Variants in MEOX2 observed in about 807,000 individuals in gnomAD.
MEOX2 encodes homeobox protein MOX-2.
A neutral mutation model predicts 27.0 loss-of-function variants in MEOX2; 11 were observed. That is an observed-to-expected ratio of 0.41 (90% CI 0.26 to 0.68). The LOEUF (loss-of-function observed/expected upper bound fraction) is 0.68. Among genes scored for constraint, MEOX2 ranks in the 30% least tolerant of loss-of-function variants. The probability of loss-of-function intolerance (pLI) is 0.33; values close to 1 mark genes in which losing one functional copy is unlikely to be tolerated. For missense variants in MEOX2, 436 were observed against 385.4 expected (o/e 1.13, Z -1.10); for synonymous variants, 189 against 155.4 (o/e 1.22, Z -1.61).
At chr7:15,622,216 T>C (rs750246470) in intron 2 of MEOX2, among the ~76,000 whole-genome samples, 15 of 152,210 alleles carry the variant, frequency 9.9e-5, no homozygotes, top group Non-Finnish European at 2.1e-4. Context: ...TAGATATACA[T>C]ATAGTTAGAA....
In MEOX2 at chr7:15,635,144, C is replaced by T. The variant is rs1781460815; in HGVS notation, c.518-8226G>A. Among the ~76,000 whole-genome samples the T allele has an allele frequency of 2.6e-5, 4 of 151,888 alleles. No homozygotes were observed. In the South Asian group the frequency reaches 8.3e-4, roughly 31 times the overall value. ...GATTCTTACAAACCGTCTATTTCCA[C>T]CTGCTCTCTACCTGAGAAAAGTGAG... is the stretch of plus-strand genomic sequence containing the variant. On this transcript the variant is annotated intron_variant, in intron 1 of 2. Transcript: ENST00000262041.
In MEOX2 at chr7:15,685,895, C is replaced by A. The variant is rs1338195952; in HGVS notation, c.508G>T (p.Asp170Tyr). 4 of 1,599,994 alleles carry A rather than the reference C, an allele frequency of 2.5e-6. No homozygotes were observed. In the African/African-American group the frequency reaches 5.4e-5, roughly 21 times the overall value. The change falls in exon 1 of 3, where the codon GAC becomes TAC. Residue 170 changes from aspartate (D) to tyrosine (Y), a missense_variant. Asp to Tyr is a radical substitution (Grantham distance 160, BLOSUM62 -3). Transcript: ENST00000262041. ...EKRSGGKRKS[D>Y]SSDSQEGNYK... is the part of the protein sequence containing the mutation. ...CCTGGCGCGCCCTTACCTGAGCTGT[C>A]GCTTTTCCTCTTGCCGCCGCTTCGC...
chr7:15,617,500 G>T (rs6961370), intron 2 of MEOX2, among the ~76,000 whole-genome samples: 88,292 of 151,316 alleles, frequency 0.58, 26,323 homozygotes, highest in Non-Finnish European at 0.66. Context: ...AAGCAAGAAT[G>T]CTTAAAAGTA....
Position 15,686,656 on chromosome 7 carries a change from A to G in MEOX2, c.-254T>C. Reference sequence around the variant, plus strand: ...CAAGAGTGGGAGAGGTTGAAGCCAAAAGAAGGTGGTCCCAGAGAACTGCTT... The same window carrying G: ...CAAGAGTGGGAGAGGTTGAAGCCAAGAGAAGGTGGTCCCAGAGAACTGCTT... On this transcript the variant is annotated 5_prime_UTR_variant, in exon 1 of 3. Transcript: ENST00000262041. The G allele has an allele frequency of 2.0e-6, 1 of 505,370 alleles. No individual in the cohort carries two copies. Among genetic ancestry groups the G allele is most frequent in the Non-Finnish European group, 3.5e-6 (1 of 287,036 alleles). The allele number at this position is 505,370 out of a possible 1,614,324, so 31.3% of individuals were successfully genotyped here.
Position 15,686,385 on chromosome 7 carries a change from A to G in MEOX2, c.18T>C (p.Phe6=), listed in dbSNP as rs903377942. Residue 6 remains phenylalanine, a synonymous_variant, in exon 1 of 3, where the codon TTT becomes TTC. Coordinates refer to ENST00000262041, the MANE Select transcript of MEOX2 (RefSeq NM_005924.5). ...TGGCGTGAGGGCTGCGCAGGCAGCC[A>G]AAGAGCGGGTGTTCCATAGCATGCA... MEHPL[F]GCLRSPHATA... The G allele has an allele frequency of 1.9e-6, 3 of 1,576,378 alleles. No homozygotes were observed. In the African/African-American group the frequency reaches 4.0e-5, roughly 21 times the overall value.
At chr7:15,669,911 A>C (rs1349765619) in intron 1 of MEOX2, among the ~76,000 whole-genome samples, 2 of 152,182 alleles carry the variant, frequency 1.3e-5, no homozygotes, top group Admixed American at 6.5e-5. Context: ...TTAAGTTTTC[A>C]TACTTTCCCC....
At chr7:15,630,768 G>C (rs543364583) in intron 1 of MEOX2, among the ~76,000 whole-genome samples, 1 of 152,120 alleles carries the variant, frequency 6.6e-6, no homozygotes, top group Non-Finnish European at 1.5e-5. Context: ...GATGGAGTCA[G>C]AAAAATTTAT....
intron 1 of MEOX2, among the ~76,000 whole-genome samples, chr7:15,654,791 C>T (rs903987827): frequency 2.0e-5 from 3 of 151,458 alleles, no homozygotes; most frequent in South Asian, 2.1e-4. Context: ...ATTTTATTTG[C>T]TATTATTTTA....
At chr7:15,646,956 A>G (rs17168946) in intron 1 of MEOX2, among the ~76,000 whole-genome samples, 3,925 of 152,078 alleles carry the variant, frequency 0.026, 169 homozygotes, top group African/African-American at 0.089. Context: ...ATACAGTATT[A>G]TCTACACATC....
At chr7:15,644,209 C>A (rs1781607757) in intron 1 of MEOX2, among the ~76,000 whole-genome samples, 1 of 152,060 alleles carries the variant, frequency 6.6e-6, no homozygotes, top group Admixed American at 6.5e-5. Context: ...AGCTGCCCAG[C>A]CCAGTAAAGC....
chr7:15,636,853 G>A (rs1265689271), intron 1 of MEOX2, among the ~76,000 whole-genome samples: 1 of 151,918 alleles, frequency 6.6e-6, no homozygotes, highest in African/African-American at 2.4e-5. Flanking sequence ...ATGGCAAAAG[G>A]CAGAAGGGCA....
intron 1 of MEOX2, 103 bp downstream of exon 1, chr7:15,685,783 A>G (rs1483947967): frequency 1.4e-5 from 20 of 1,447,096 alleles, no homozygotes; most frequent in Non-Finnish European, 1.8e-5. Context: ...ACACATTCCC[A>G]TCTTCCCTGC....
At chr7:15,648,876 C>T (rs1235377174) in intron 1 of MEOX2, among the ~76,000 whole-genome samples, 3 of 152,116 alleles carry the variant, frequency 2.0e-5, no homozygotes, top group East Asian at 3.9e-4. Context: ...TTCCCTCTTC[C>T]TTTGGCACCC....
chr7:15,684,025 A>G (rs1306358455), intron 1 of MEOX2, among the ~76,000 whole-genome samples: 2 of 152,188 alleles, frequency 1.3e-5, no homozygotes, highest in African/African-American at 4.8e-5. Flanking sequence ...TTTTAAAAAA[A>G]TTATTAAAAT....
intron 1 of MEOX2, among the ~76,000 whole-genome samples, chr7:15,661,041 A>AT (rs1562609451): frequency 8.2e-5 from 12 of 146,830 alleles, no homozygotes; most frequent in Non-Finnish European, 1.5e-4. Context: ...AAAAAAAAAA[A>AT]GAGAAAGAGA....
chr7:15,615,576 C>G (rs1351693142), intron 2 of MEOX2, among the ~76,000 whole-genome samples: 3 of 152,014 alleles, frequency 2.0e-5, no homozygotes, highest in Non-Finnish European at 4.4e-5. Flanking sequence ...AGTTTAATTA[C>G]CTTTGCAAGC....
chr7:15,686,205 C>T lies in MEOX2; in HGVS notation c.198G>A (p.Arg66=). ...GGTGGTGGTGGTGGTGGTGGTGCCC[C>T]CTGTGATGCTGGCTGGCAAACATGC... The part of the protein sequence containing the change: ...EEGMFASQHH[R]GHHHHHHHHH... The change falls in exon 1 of 3, where the codon AGG becomes AGA. Residue 66 remains arginine (R), a synonymous_variant. Coordinates refer to ENST00000262041, the MANE Select transcript of MEOX2 (RefSeq NM_005924.5). 1 of 1,607,496 alleles carries T rather than the reference C, an allele frequency of 6.2e-7. No individual in the cohort carries two copies.
At chr7:15,650,800 G>A (rs576561053) in intron 1 of MEOX2, among the ~76,000 whole-genome samples, 2 of 152,114 alleles carry the variant, frequency 1.3e-5, no homozygotes, top group South Asian at 4.1e-4. Context: ...TATTAGCATG[G>A]AGGGATTTCC....
At chr7:15,646,126 A>G (rs76054184) in intron 1 of MEOX2, among the ~76,000 whole-genome samples, 12,101 of 151,992 alleles carry the variant, frequency 0.08, 521 homozygotes, top group Middle Eastern at 0.11. Flanking sequence ...TGGCATAAAA[A>G]CCTCTGTTCT....
Sources: gnomAD v4.1 joint callset for allele counts (sites outside exome capture counted in the v4.1 genomes callset) on GRCh38, gnomAD v4.1.1 for gene constraint, MANE v1.5 for transcripts, NCBI Gene and HGNC (gene_info 2026-07-23, HGNC 2026-07-21) for gene names.